CPAMD8: variants seen among roughly 807,000 people sequenced by gnomAD.
CPAMD8 encodes the protein C3 and PZP like alpha-2-macroglobulin domain containing 8.
A neutral mutation model predicts 224.7 loss-of-function variants in CPAMD8; 146 were observed. That is an observed-to-expected ratio of 0.65 (90% CI 0.57 to 0.75). CPAMD8 has a LOEUF of 0.75. Among genes scored for constraint, CPAMD8 ranks in the 30% least tolerant of loss-of-function variants. CPAMD8 has a pLI of 0.00. For synonymous variants in CPAMD8, 966 were observed against 1,044.6 expected, an observed-to-expected ratio of 0.92 and a Z score of 1.45; for missense variants, 2,301 against 2,537.5, an observed-to-expected ratio of 0.91 and a Z score of 2.00.
chr19:16,961,899 G>T (rs1462667973), intron 18 of CPAMD8, among the ~76,000 whole-genome samples: 2 of 152,166 alleles, frequency 1.3e-5, no homozygotes, highest in Non-Finnish European at 2.9e-5. Context: ...AGGCAGACAG[G>T]GTCTAGAGTG....
At chr19:16,995,711 T>A (rs933594367) in intron 11 of CPAMD8, among the ~76,000 whole-genome samples, 1 of 152,132 alleles carries the variant, frequency 6.6e-6, no homozygotes, top group Non-Finnish European at 1.5e-5. Context: ...TACCCCAGTT[T>A]AACAGTTAAA....
At chr19:17,010,800 A>T (rs2056624276) in intron 5 of CPAMD8, among the ~76,000 whole-genome samples, 1 of 152,098 alleles carries the variant, frequency 6.6e-6, no homozygotes, top group South Asian at 2.1e-4. Flanking sequence ...AGGCGGGTGT[A>T]TCACCTGAGG....
intron 38 of CPAMD8, 27 bp downstream of exon 38, chr19:16,897,862 G>A (rs2052088352): frequency 1.3e-6 from 2 of 1,589,016 alleles, no homozygotes; most frequent in Admixed American, 1.8e-5. Context: ...ACCGGGCCGG[G>A]CCGGGGGTGC....
At chr19:16,960,812 G>A (rs1367858989) in intron 18 of CPAMD8, among the ~76,000 whole-genome samples, 2 of 151,652 alleles carry the variant, frequency 1.3e-5, no homozygotes, top group East Asian at 3.9e-4. Context: ...TGAGACAGGA[G>A]TATCACTTGA....
chr19:16,956,488 T>C (rs1483812263), intron 19 of CPAMD8, among the ~76,000 whole-genome samples: 1 of 152,050 alleles, frequency 6.6e-6, no homozygotes, highest in Non-Finnish European at 1.5e-5. Context: ...GAAAATGTTA[T>C]GAGTGCTGGG....
At position 16,989,719 on chromosome 19, in the gene CPAMD8, C is replaced by T. The variant is rs1325292761; in HGVS notation, c.1319G>A (p.Ser440Asn). Reference sequence around the variant, plus strand: ...GTACCAGCTGCCGAGGGAGAGGTAGCTGGGCAGGTACTGAGCCCCCACAGG... The same window carrying T: ...GTACCAGCTGCCGAGGGAGAGGTAGTTGGGCAGGTACTGAGCCCCCACAGG... ...GKPVGAQYLP[S>N]YLSLGSWYSP... is the part of the protein sequence containing the mutation. Residue 440 changes from serine to asparagine, a missense_variant, in exon 13 of 42, where the codon AGC becomes AAC. Ser to Asn is a conservative substitution (Grantham distance 46). Transcript: ENST00000443236. The T allele has an allele frequency of 1.9e-6, 3 of 1,613,950 alleles. No homozygotes were observed. The highest frequency in any genetic ancestry group is 1.7e-5 in the Admixed American group (1 of 59,994).
intron 18 of CPAMD8, among the ~76,000 whole-genome samples, 173 bp from the exon 19 acceptor site, chr19:16,958,088 G>C (rs1038643256): frequency 6.6e-6 from 1 of 152,022 alleles, no homozygotes; most frequent in African/African-American, 2.4e-5. Flanking sequence ...TACCTGGCAG[G>C]GTTAACAGTC....
intron 19 of CPAMD8, among the ~76,000 whole-genome samples, chr19:16,953,777 CAAT>C (rs1407146926): frequency 6.6e-6 from 1 of 151,796 alleles, no homozygotes; most frequent in Non-Finnish European, 1.5e-5. Flanking sequence ...TCCTGAAACT[CAAT>C]AACAAAAACA....
chr19:17,013,321 C>T (rs1371453280), intron 3 of CPAMD8: 2 of 151,914 alleles, frequency 1.3e-5, no homozygotes, highest in Non-Finnish European at 2.9e-5. Flanking sequence ...CCAGCCCAGC[C>T]AACATGGTGA....
intron 13 of CPAMD8, among the ~76,000 whole-genome samples, chr19:16,987,511 G>A (rs960213555): frequency 1.3e-5 from 2 of 151,778 alleles, no homozygotes; most frequent in African/African-American, 2.4e-5. Flanking sequence ...GCGCCTGCCA[G>A]CGTAAGAAAA....
At position 16,893,260 on chromosome 19, in the gene CPAMD8, A is replaced by G. The variant is rs1208009529; in HGVS notation, c.5506T>C (p.Trp1836Arg). Residue 1836 changes from tryptophan to arginine, a missense_variant, in exon 42 of 42, where the codon TGG becomes CGG. Physicochemically the swap from Trp to Arg is moderately radical, Grantham distance 101. Around this residue, in one of 4 missense-constraint regions of CPAMD8, gnomAD observed 1,709 missense variants for 1,753.2 expected, o/e 0.97. Transcript: ENST00000443236. The part of the protein sequence containing the change: ...STQSASPFHR[W>R]GQTPAPQRHS... The stretch of plus-strand genomic sequence containing the variant: ...CTCTGAGGGGCCGGAGTCTGGCCCC[A>G]TCTGTGGAACGGGCTGGCGCTCTGG... 2 of 1,570,628 alleles carry G rather than the reference A, an allele frequency of 1.3e-6. No individual in the cohort carries two copies. The highest frequency in any genetic ancestry group is 3.7e-5 in the Admixed American group (2 of 54,514).
chr19:16,902,711 A>T lies in CPAMD8; in HGVS notation c.4623T>A (p.Asp1541Glu), dbSNP rs199691354. The change falls in exon 35 of 42, where the codon GAT becomes GAA. Residue 1541 changes from aspartate (D) to glutamate (E), a missense_variant. Transcript: ENST00000443236. ...GATGCTGATCGGCCGCTGGGTCATC[A>T]TCGTCAGCTGGGGGCCAGTCTCCTC... ...GSRGDWPPADDDDPAADQHHQ... is the reference protein window; with the variant it reads ...GSRGDWPPADEDDPAADQHHQ... The T allele has an allele frequency of 3.5e-4, 567 of 1,606,082 alleles. No individual in the cohort carries two copies. The highest frequency in any genetic ancestry group is 5.7e-4 in the Middle Eastern group (3 of 5,302).
intron 21 of CPAMD8, 87 bp from the exon 22 acceptor site, chr19:16,945,766 TG>T: frequency 1.7e-6 from 2 of 1,178,476 alleles, no homozygotes; most frequent in Middle Eastern, 1.9e-4. Context: ...CAGATGTGTG[TG>T]CATGCATGCA....
rs770237865 is a variant in CPAMD8, at chr19:16,976,078, C to T, written c.1832G>A (p.Gly611Asp). The change falls in exon 16 of 42, where the codon GGC becomes GAC. Residue 611 changes from glycine (G) to aspartate (D), a missense_variant. Physicochemically the swap from Gly to Asp is moderately conservative, Grantham distance 94 (BLOSUM62 -1). This residue lies in a region of CPAMD8 where 1,709 missense variants were observed against 1,753.2 expected (regional missense o/e 0.97). Coordinates refer to ENST00000443236, the MANE Select transcript of CPAMD8 (RefSeq NM_015692.5). Reference sequence around the variant, plus strand: ...AACTGCGGCGACGCACACACAGCTGCCCCTTGCAGCCCTGATCCGCAGGTC... The same window carrying T: ...AACTGCGGCGACGCACACACAGCTGTCCCTTGCAGCCCTGATCCGCAGGTC... Reference protein sequence around the residue: ...VVDLRIRAARGSCVCVAAVDK... With the variant: ...VVDLRIRAARDSCVCVAAVDK... 15 of 1,612,526 alleles carry T rather than the reference C, an allele frequency of 9.3e-6. No individual in the cohort carries two copies. The highest frequency in any genetic ancestry group is 3.4e-4 in the Middle Eastern group (2 of 5,804).
At chr19:16,906,589 A>G (rs1010200872) in intron 30 of CPAMD8, among the ~76,000 whole-genome samples, 3 of 150,462 alleles carry the variant, frequency 2.0e-5, no homozygotes, top group Non-Finnish European at 4.4e-5. Context: ...TTTTTAGGAG[A>G]GACGGGGTTT....
chr19:16,946,168 G>A (rs985176891), intron 21 of CPAMD8, among the ~76,000 whole-genome samples: 1 of 124,776 alleles, frequency 8.0e-6, no homozygotes, highest in Non-Finnish European at 1.6e-5. Flanking sequence ...GCATGTGTGT[G>A]TGTATGATTT....
rs559214843 is a variant in CPAMD8 at position 16,926,304 on chromosome 19, C to CTTTATTTTAT, written c.3371-942_3371-933dup. 7.2e-3 allele frequency among the ~76,000 whole-genome samples: 1,082 copies of CTTTATTTTAT among 150,542 alleles called. 20 individuals are homozygous for CTTTATTTTAT. The highest frequency in any genetic ancestry group is 0.024 in the African/African-American group (972 of 40,158). ...TCCCCTGAACACACCTTCTTTCCTT[C>CTTTATTTTAT]TTTATTTTATTTTATTTTATTTTAT... On this transcript the variant is annotated intron_variant, in intron 25 of 41. Transcript: ENST00000443236.
intron 1 of CPAMD8, among the ~76,000 whole-genome samples, chr19:17,026,185 C>T (rs954685521): frequency 2.0e-5 from 3 of 152,178 alleles, no homozygotes; most frequent in Non-Finnish European, 2.9e-5. Flanking sequence ...CACGCCCACC[C>T]ACGGGAAAGT....
chr19:16,999,962 G>A (rs990304494), intron 10 of CPAMD8, among the ~76,000 whole-genome samples: 7 of 152,166 alleles, frequency 4.6e-5, no homozygotes, highest in Non-Finnish European at 7.3e-5. Context: ...ACGGGTGTGA[G>A]CCACCATGCC....
Sources: gnomAD v4.1 joint callset for allele counts (sites outside exome capture counted in the v4.1 genomes callset) on GRCh38, gnomAD v4.1.1 for gene constraint, gnomAD v4.1.1 regional missense constraint, MANE v1.5 for transcripts, NCBI Gene and HGNC (gene_info 2026-07-23, HGNC 2026-07-21) for gene names.